The following EPC1 variants were observed in gnomAD, a reference collection of about 807,000 sequenced individuals.
The protein encoded by EPC1 is enhancer of polycomb 1.
A neutral mutation model predicts 98.4 loss-of-function variants in EPC1; 12 were observed. That is an observed-to-expected ratio of 0.12 (90% CI 0.08 to 0.20). The LOEUF (loss-of-function observed/expected upper bound fraction) is 0.20. Among genes scored for constraint, EPC1 ranks in the 10% least tolerant of loss-of-function variants. The pLI is 1.00. For missense variants in EPC1, 729 were observed against 990.5 expected (o/e 0.74, Z 3.54); for synonymous variants, 357 against 363.9 (o/e 0.98, Z 0.21).
rs143241213 is a variant in EPC1 at position 32,299,945 on chromosome 10, G to A, written c.313+5827C>T. 9.8e-3 allele frequency among the ~76,000 whole-genome samples: 1,484 copies of A among 151,984 alleles called. 22 individuals are homozygous for A. The highest frequency in any genetic ancestry group is 0.034 in the African/African-American group (1,394 of 41,428). ...TTTTTTTATTTTGAGACGGAAGCTC[G>A]CTCTGTTGCCCAAGATGGAGTGCAG... is the stretch of plus-strand genomic sequence containing the variant. On this transcript the variant is annotated intron_variant, in intron 2 of 13. Coordinates refer to ENST00000319778, the MANE Select transcript of EPC1 (RefSeq NM_001272004.3).
At chr10:32,337,983 G>A (rs1157673398) in intron 1 of EPC1, among the ~76,000 whole-genome samples, 1 of 152,114 alleles carries the variant, frequency 6.6e-6, no homozygotes, top group Admixed American at 6.5e-5. Context: ...CTCCTCCTCT[G>A]AGTCCCAGAG....
intron 1 of EPC1, among the ~76,000 whole-genome samples, chr10:32,373,978 T>C (rs1839819875): frequency 6.6e-6 from 1 of 152,196 alleles, no homozygotes; most frequent in Non-Finnish European, 1.5e-5. Context: ...TAATTGGCTG[T>C]ATGACACAAT....
At chr10:32,287,650 C>A (rs1485712742) in intron 6 of EPC1, among the ~76,000 whole-genome samples, 1 of 151,986 alleles carries the variant, frequency 6.6e-6, no homozygotes, top group African/African-American at 2.4e-5. Context: ...ATTGTCTAAT[C>A]CTTATTCTCA....
chr10:32,281,590 T>A (rs1836413327), intron 10 of EPC1: 1 of 152,174 alleles, frequency 6.6e-6, no homozygotes, highest in Admixed American at 6.5e-5. Context: ...CAACTTCCCC[T>A]ACTCCAGGCT....
At chr10:32,321,550 A>G (rs1836919037) in intron 1 of EPC1, among the ~76,000 whole-genome samples, 2 of 151,980 alleles carry the variant, frequency 1.3e-5, no homozygotes, top group Admixed American at 6.6e-5. Flanking sequence ...TCAGCAGACT[A>G]GTTGTGGTAA....
At chr10:32,369,576 A>G (rs866623932) in intron 1 of EPC1, among the ~76,000 whole-genome samples, 1 of 152,214 alleles carries the variant, frequency 6.6e-6, no homozygotes. Context: ...TTGTTTGGGT[A>G]GGTCATAACG....
At chr10:32,296,833 G>A (rs1021305028) in intron 2 of EPC1, among the ~76,000 whole-genome samples, 6 of 151,998 alleles carry the variant, frequency 3.9e-5, no homozygotes, top group South Asian at 2.1e-4. Context: ...CTTGAACCCG[G>A]GAGGCGGAGG....
intron 1 of EPC1, among the ~76,000 whole-genome samples, chr10:32,323,987 G>C (rs1837101166): frequency 6.6e-6 from 1 of 151,954 alleles, no homozygotes. Context: ...CCAGGCTGGA[G>C]AGCAGTGGCG....
At chr10:32,278,355 A>G (rs1023129983) in intron 10 of EPC1, among the ~76,000 whole-genome samples, 4 of 135,396 alleles carry the variant, frequency 3.0e-5, no homozygotes, top group Non-Finnish European at 6.2e-5. Context: ...CAAAATGTAT[A>G]CTTTGGTTTT....
chr10:32,322,940 T>TA lies in EPC1; in HGVS notation c.154-17010dup, dbSNP rs201571453. Reference sequence around the variant, plus strand: ...AGCACAATAAAGAGACCATTTTTTTTAAAAAAACCATGATTTATTGTATAT... The same window carrying TA: ...AGCACAATAAAGAGACCATTTTTTTTAAAAAAAACCATGATTTATTGTATAT... On this transcript the variant is annotated intron_variant, in intron 1 of 13. Transcript: ENST00000319778. Among the ~76,000 whole-genome samples the TA allele has an allele frequency of 7.4e-4, 113 of 151,820 alleles. 1 individual carries two copies. Among genetic ancestry groups the TA allele is most frequent in the Middle Eastern group, 3.4e-3 (1 of 292 alleles).
intron 1 of EPC1, among the ~76,000 whole-genome samples, chr10:32,352,720 T>C (rs2133085273): frequency 6.6e-6 from 1 of 152,304 alleles, no homozygotes. Context: ...ACACCTAGTA[T>C]GTACTAGGTG....
chr10:32,374,660 A>G (rs1232594875), intron 1 of EPC1, among the ~76,000 whole-genome samples: 2 of 152,114 alleles, frequency 1.3e-5, no homozygotes, highest in African/African-American at 2.4e-5. Flanking sequence ...GATCTAAATT[A>G]AAAAAATATT....
In EPC1 at chr10:32,285,973, A is replaced by T. The variant is rs557083348; in HGVS notation, c.1391+721T>A. The T allele has an allele frequency of 2.0e-5, 3 of 152,188 alleles. No homozygotes were observed. In the South Asian group the frequency reaches 6.2e-4, roughly 32 times the overall value. 9.4% of individuals were successfully genotyped at this position (152,188 alleles called of 1,614,324 possible). A position where few individuals can be genotyped will look rare whatever the true frequency, so the allele number is the denominator to read the frequency against. Reference sequence around the variant, plus strand: ...ATTCTTAACCAATGTTTAAATAATAAAAAAAAACCCTCTGCAATTAAGAGT... The same window carrying T: ...ATTCTTAACCAATGTTTAAATAATATAAAAAAACCCTCTGCAATTAAGAGT... On this transcript the variant is annotated intron_variant, in intron 9 of 13. Transcript: ENST00000319778.
chr10:32,297,384 C>T (rs1044594054), intron 2 of EPC1, among the ~76,000 whole-genome samples: 7 of 150,812 alleles, frequency 4.6e-5, no homozygotes, highest in Non-Finnish European at 7.4e-5. Context: ...CGGGTTCAAG[C>T]GATATTCCTG....
intron 1 of EPC1, among the ~76,000 whole-genome samples, chr10:32,337,771 G>C (rs1245595208): frequency 6.6e-6 from 1 of 151,954 alleles, no homozygotes; most frequent in Non-Finnish European, 1.5e-5. Flanking sequence ...GACTATACTT[G>C]CTATGTCCCC....
intron 5 of EPC1, 193 bp downstream of exon 5, chr10:32,292,303 A>C: frequency 5.2e-6 from 2 of 387,006 alleles, no homozygotes; most frequent in Non-Finnish European, 8.8e-6. Flanking sequence ...AACTTAAGTG[A>C]ATCCAGTCAC....
At position 32,305,656 on chromosome 10, in the gene EPC1, G is replaced by C. The variant is rs1283631598; in HGVS notation, c.313+116C>G. 46 of 733,940 alleles carry C rather than the reference G, an allele frequency of 6.3e-5. No homozygotes were observed. The South Asian group carries it at 1.4e-3, about 22-fold the overall frequency. 45.5% of individuals were successfully genotyped at this position (733,940 alleles called of 1,614,324 possible). A position where few individuals can be genotyped will look rare whatever the true frequency, so the allele number is the denominator to read the frequency against. On this transcript the variant is annotated intron_variant, in intron 2 of 13. Transcript: ENST00000319778. ...GAAAATGGACTCTACTAACTCTTAA[G>C]CTGATGCTGGTCAATGAAACAAATA... is the stretch of plus-strand genomic sequence containing the variant.
chr10:32,325,796 T>TA (rs9336632), intron 1 of EPC1, among the ~76,000 whole-genome samples: 3 of 151,764 alleles, frequency 2.0e-5, no homozygotes, highest in Non-Finnish European at 2.9e-5. Context: ...GTTTTTTTTT[T>TA]AACTCTATAA....
chr10:32,339,612 T>C (rs1455044840), intron 1 of EPC1, among the ~76,000 whole-genome samples: 1 of 152,184 alleles, frequency 6.6e-6, no homozygotes, highest in African/African-American at 2.4e-5. Context: ...CATACAACTC[T>C]CTAAGGACAC....
Sources: allele counts gnomAD v4.1 joint callset (sites outside exome capture counted in the v4.1 genomes callset), GRCh38; gene constraint gnomAD v4.1.1; transcripts MANE v1.5; gene names NCBI Gene and HGNC (gene_info 2026-07-23, HGNC 2026-07-21).